CACNA1C: variants seen among roughly 807,000 people sequenced by gnomAD.
CACNA1C encodes voltage-dependent L-type calcium channel subunit alpha-1C.
Under a neutral mutation model 229.0 loss-of-function variants are expected in CACNA1C, and 30 were observed. The observed-to-expected ratio is 0.13, with a 90% CI of 0.10 to 0.18. CACNA1C has a LOEUF of 0.18. Ranked by LOEUF, CACNA1C falls within the 10% of genes least tolerant of loss-of-function variation. The probability of loss-of-function intolerance (pLI) is 1.00; values close to 1 mark genes in which losing one functional copy is unlikely to be tolerated. For missense variants in CACNA1C, 1,658 were observed against 2,845.0 expected (o/e 0.58, Z 9.49); for synonymous variants, 1,114 against 1,132.5 (o/e 0.98, Z 0.33).
intron 1 of CACNA1C, among the ~76,000 whole-genome samples, chr12:1,986,790 C>T (rs1248088693): frequency 6.6e-6 from 1 of 152,154 alleles, no homozygotes; most frequent in Non-Finnish European, 1.5e-5. Flanking sequence ...TCTGATTGCT[C>T]TCCTCAGTGT....
intron 3 of CACNA1C, among the ~76,000 whole-genome samples, chr12:2,176,870 C>T (rs1016571667): frequency 2.6e-5 from 4 of 152,088 alleles, no homozygotes; most frequent in South Asian, 2.1e-4. Flanking sequence ...TCTTTTGGAC[C>T]GTCTTTACCA....
intron 13 of CACNA1C, among the ~76,000 whole-genome samples, chr12:2,578,924 T>C (rs1317059429): frequency 1.3e-5 from 2 of 152,112 alleles, no homozygotes; most frequent in African/African-American, 4.8e-5. Context: ...CCATGCTCCA[T>C]CTCTGCCTTC....
In CACNA1C at chr12:2,488,739, G is replaced by A. The variant is rs890585086; in HGVS notation, c.916+2477G>A. ...GCCCTGCCAGGCTCCATGAGAAGGT[G>A]GCCTCACTCATTCGCTGGAGTCAGA... On this transcript the variant is annotated intron_variant, in intron 6 of 46. Transcript: ENST00000399655. This position sits in a 1 kb window ranked among gnomAD's most constrained non-coding sequence, Gnocchi z 4.0. Among the ~76,000 whole-genome samples the A allele has an allele frequency of 5.3e-5, 8 of 152,324 alleles. No individual in the cohort carries two copies. Among genetic ancestry groups the A allele is most frequent in the African/African-American group, 1.4e-4 (6 of 41,574 alleles).
chr12:2,496,553 C>T (rs1050063922), intron 7 of CACNA1C, among the ~76,000 whole-genome samples: 2 of 152,222 alleles, frequency 1.3e-5, no homozygotes, highest in Admixed American at 6.5e-5. Flanking sequence ...GCACTTGCTT[C>T]CAGTTGTGGA....
chr12:2,203,550 A>G (rs747096600), intron 3 of CACNA1C, among the ~76,000 whole-genome samples: 7 of 152,206 alleles, frequency 4.6e-5, no homozygotes, highest in African/African-American at 1.7e-4. Context: ...AGGACGGATT[A>G]GGAGTCAGGA....
intron 37 of CACNA1C, among the ~76,000 whole-genome samples, chr12:2,667,345 G>C (rs190254591): frequency 1.0e-5 from 1 of 99,650 alleles, no homozygotes; most frequent in African/African-American, 7.8e-5. Context: ...GGGCAATAAT[G>C]AGCTGACAGA....
At chr12:2,311,626 C>A (rs942252867) in intron 3 of CACNA1C, among the ~76,000 whole-genome samples, 5 of 152,170 alleles carry the variant, frequency 3.3e-5, no homozygotes, top group Admixed American at 2.6e-4. Flanking sequence ...CAGGCAGGAA[C>A]CTCTTCCGCG....
At chr12:2,669,252 G>A (rs2096416577) in intron 38 of CACNA1C, among the ~76,000 whole-genome samples, 4 of 152,076 alleles carry the variant, frequency 2.6e-5, no homozygotes, top group Non-Finnish European at 4.4e-5. Context: ...TAGCTCAGGG[G>A]TTTCCAATCT....
chr12:2,228,038 C>T (rs1448752551), intron 3 of CACNA1C, among the ~76,000 whole-genome samples: 2 of 152,128 alleles, frequency 1.3e-5, no homozygotes, highest in Non-Finnish European at 2.9e-5. Context: ...GGGCTGCCAT[C>T]TGGATAAAGG....
At chr12:2,277,789 CAAA>C (rs924999658) in intron 3 of CACNA1C, among the ~76,000 whole-genome samples, 23 of 152,324 alleles carry the variant, frequency 1.5e-4, no homozygotes, top group Admixed American at 1.3e-3. Context: ...AACCGCTCAC[CAAA>C]AATTGACTTG....
At chr12:2,328,721 G>A (rs757777922) in intron 3 of CACNA1C, among the ~76,000 whole-genome samples, 7 of 152,216 alleles carry the variant, frequency 4.6e-5, no homozygotes, top group Admixed American at 3.9e-4. Context: ...CCATCTTGGT[G>A]CAATTAGACA....
chr12:2,240,135 T>A (rs1032324240), intron 3 of CACNA1C, among the ~76,000 whole-genome samples: 4 of 152,246 alleles, frequency 2.6e-5, no homozygotes, highest in Non-Finnish European at 4.4e-5. Context: ...TAGGGCATTA[T>A]TACATGAAAC....
At chr12:2,641,958 C>T (rs112356520) in intron 30 of CACNA1C, among the ~76,000 whole-genome samples, 47 of 152,172 alleles carry the variant, frequency 3.1e-4, no homozygotes, top group African/African-American at 7.2e-5. Context: ...CCGAATGCCC[C>T]GGATCTCAAG....
chr12:2,251,790 C>A (rs2075694065), intron 3 of CACNA1C, among the ~76,000 whole-genome samples: 1 of 152,166 alleles, frequency 6.6e-6, no homozygotes, highest in South Asian at 2.1e-4. Context: ...TTTCGGAAAT[C>A]AGAACTGAAT....
intron 5 of CACNA1C, among the ~76,000 whole-genome samples, chr12:2,484,130 C>T (rs1000871019): frequency 6.6e-6 from 1 of 152,160 alleles, no homozygotes; most frequent in Non-Finnish European, 1.5e-5. Context: ...AGGAACATAA[C>T]ATTTCAAACT....
chr12:2,373,438 C>T (rs1252469750), intron 3 of CACNA1C, among the ~76,000 whole-genome samples: 1 of 152,016 alleles, frequency 6.6e-6, no homozygotes. Context: ...AGTGAGTGGT[C>T]GGCAGAGGTC....
At chr12:2,126,902 G>A (rs2090311660) in intron 3 of CACNA1C, among the ~76,000 whole-genome samples, 1 of 152,184 alleles carries the variant, frequency 6.6e-6, no homozygotes, top group East Asian at 1.9e-4. Flanking sequence ...CCTGGTCCCT[G>A]GGGGTAAGTC....
At chr12:2,137,925 C>T (rs144062767) in intron 3 of CACNA1C, among the ~76,000 whole-genome samples, 2 of 151,472 alleles carry the variant, frequency 1.3e-5, no homozygotes, top group East Asian at 1.9e-4. Context: ...GTCCTGGAGC[C>T]GACACATCGC....
intron 5 of CACNA1C, among the ~76,000 whole-genome samples, chr12:2,469,473 G>A (rs2099578753): frequency 6.6e-6 from 1 of 152,238 alleles, no homozygotes; most frequent in Non-Finnish European, 1.5e-5. Context: ...GGGCAGAGAA[G>A]AGGAGAGTAA....
Sources: allele counts gnomAD v4.1 joint callset (sites outside exome capture counted in the v4.1 genomes callset), GRCh38; gene constraint gnomAD v4.1.1; non-coding constraint Gnocchi (gnomAD v3.1); transcripts MANE v1.5; gene names NCBI Gene and HGNC (gene_info 2026-07-23, HGNC 2026-07-21).